The following SIPA1L3 variants were observed in gnomAD, a reference collection of about 807,000 sequenced individuals.
SIPA1L3 encodes signal induced proliferation associated 1 like 3, also known as signal-induced proliferation-associated 1-like protein 3.
SIPA1L3 carries 59 observed loss-of-function variants against 150.1 expected under a neutral mutation model. The observed-to-expected ratio is 0.39, with a 90% CI of 0.32 to 0.49. SIPA1L3 has a LOEUF of 0.49. Ranked by LOEUF, SIPA1L3 falls within the 20% of genes least tolerant of loss-of-function variation. The pLI is 0.86. For missense variants in SIPA1L3, 2,211 were observed against 2,489.5 expected, an observed-to-expected ratio of 0.89 and a Z score of 2.38; for synonymous variants, 1,070 against 1,077.6, an observed-to-expected ratio of 0.99 and a Z score of 0.14.
chr19:38,010,938 A>T (rs1032237193), intron 1 of SIPA1L3, among the ~76,000 whole-genome samples: 1 of 152,208 alleles, frequency 6.6e-6, no homozygotes. Flanking sequence ...GCAATGACCA[A>T]CAAACAGGGT....
chr19:38,145,429 A>G (rs1450596253), intron 12 of SIPA1L3, among the ~76,000 whole-genome samples: 2 of 150,958 alleles, frequency 1.3e-5, no homozygotes, highest in African/African-American at 4.9e-5. Context: ...GCTACTCAGG[A>G]GGCTGAAGCG....
At chr19:37,920,187 T>A (rs1316796759) in intron 1 of SIPA1L3, among the ~76,000 whole-genome samples, 1 of 151,982 alleles carries the variant, frequency 6.6e-6, no homozygotes, top group Non-Finnish European at 1.5e-5. Context: ...GCCTTCTGAA[T>A]AGTTGGGACT....
intron 2 of SIPA1L3, among the ~76,000 whole-genome samples, chr19:38,029,568 T>C (rs919312924): frequency 6.6e-6 from 1 of 152,226 alleles, no homozygotes; most frequent in Non-Finnish European, 1.5e-5. Flanking sequence ...TTTTAAACTT[T>C]ACATAGAGTA....
At chr19:38,069,774 C>T (rs1196505755) in intron 2 of SIPA1L3, among the ~76,000 whole-genome samples, 7 of 151,920 alleles carry the variant, frequency 4.6e-5, no homozygotes, top group African/African-American at 1.7e-4. Flanking sequence ...AAGCGATTCT[C>T]CTGCCTCAGC....
chr19:37,976,514 G>C (rs1967081068), intron 1 of SIPA1L3, among the ~76,000 whole-genome samples: 2 of 152,138 alleles, frequency 1.3e-5, no homozygotes, highest in Admixed American at 6.6e-5. Flanking sequence ...CAGGCACCCT[G>C]AGGCCCTAAA....
intron 1 of SIPA1L3, among the ~76,000 whole-genome samples, chr19:37,982,890 C>G (rs1967237311): frequency 6.6e-6 from 1 of 152,228 alleles, no homozygotes; most frequent in South Asian, 2.1e-4. Context: ...TTAGCTCCTC[C>G]TGGCTATTCA....
At chr19:37,968,262 G>A (rs776169276) in intron 1 of SIPA1L3, among the ~76,000 whole-genome samples, 8 of 152,126 alleles carry the variant, frequency 5.3e-5, no homozygotes, top group South Asian at 2.1e-4. Flanking sequence ...TGTTAGAGAC[G>A]GGGTTTCACC....
At chr19:38,033,788 TG>T (rs1207883761) in intron 2 of SIPA1L3, among the ~76,000 whole-genome samples, 1 of 152,168 alleles carries the variant, frequency 6.6e-6, no homozygotes. Flanking sequence ...AAGCACTGTA[TG>T]GCTCAGCCAC....
chr19:37,935,676 G>C (rs2046594328), intron 1 of SIPA1L3, among the ~76,000 whole-genome samples: 4 of 152,196 alleles, frequency 2.6e-5, no homozygotes. Flanking sequence ...CTGGGTCCAT[G>C]TCTGTCCATA....
intron 1 of SIPA1L3, among the ~76,000 whole-genome samples, chr19:37,971,429 C>A (rs1275221844): frequency 6.6e-6 from 1 of 152,156 alleles, no homozygotes; most frequent in African/African-American, 2.4e-5. Context: ...TGTGATTTTC[C>A]CATCCCTTCA....
chr19:37,947,540 C>G (rs1201819565), intron 1 of SIPA1L3, among the ~76,000 whole-genome samples: 1 of 151,950 alleles, frequency 6.6e-6, no homozygotes, highest in Non-Finnish European at 1.5e-5. Flanking sequence ...ATGAGTTGTC[C>G]CTATCCTACT....
chr19:37,919,706 T>C (rs1413286641), intron 1 of SIPA1L3, among the ~76,000 whole-genome samples: 1 of 18,448 alleles, frequency 5.4e-5, no homozygotes, highest in East Asian at 1.8e-3. Context: ...GCCCTGAGGC[T>C]TTTTTTTTTT....
chr19:38,150,346 T>TTTA (rs1228914263), intron 12 of SIPA1L3, among the ~76,000 whole-genome samples: 1 of 151,962 alleles, frequency 6.6e-6, no homozygotes, highest in East Asian at 1.9e-4. Context: ...GCCAGGGGAT[T>TTTA]AGGGCAGGGT....
intron 15 of SIPA1L3, among the ~76,000 whole-genome samples, chr19:38,179,871 C>A (rs1321623733): frequency 1.3e-5 from 2 of 151,594 alleles, no homozygotes; most frequent in South Asian, 2.1e-4. Context: ...TAGATGGAGT[C>A]TCACTCTGTC....
At chr19:37,965,154 G>A (rs1363937395) in intron 1 of SIPA1L3, among the ~76,000 whole-genome samples, 3 of 152,032 alleles carry the variant, frequency 2.0e-5, no homozygotes, top group African/African-American at 7.3e-5. Flanking sequence ...CTGTTTTCTG[G>A]CAAGGGGTTC....
intron 1 of SIPA1L3, among the ~76,000 whole-genome samples, chr19:37,973,616 G>A (rs1007307041): frequency 3.4e-5 from 5 of 148,822 alleles, no homozygotes; most frequent in East Asian, 2.1e-4. Flanking sequence ...AGTGCTGCTC[G>A]CATGACGAAG....
intron 10 of SIPA1L3, among the ~76,000 whole-genome samples, chr19:38,136,216 G>A (rs1318343642): frequency 3.7e-5 from 5 of 135,678 alleles, no homozygotes; most frequent in Non-Finnish European, 6.3e-5. Context: ...AGAAGAATGC[G>A]TAAGAAAGTG....
chr19:37,991,857 A>T (rs542729557), intron 1 of SIPA1L3, among the ~76,000 whole-genome samples: 70 of 152,188 alleles, frequency 4.6e-4, no homozygotes, highest in Non-Finnish European at 9.3e-4. Flanking sequence ...CTTGCAGCTG[A>T]TGGCTTGGAG....
chr19:38,106,452 TA>T, intron 6 of SIPA1L3, 84 bp from the exon 7 acceptor site: 1 of 890,084 alleles, frequency 1.1e-6, no homozygotes, highest in Non-Finnish European at 1.9e-6. Context: ...AGCACCAAGT[TA>T]AAAACCAGCA....
Sources: gnomAD v4.1 joint callset for allele counts (sites outside exome capture counted in the v4.1 genomes callset) on GRCh38, gnomAD v4.1.1 for gene constraint, MANE v1.5 for transcripts, NCBI Gene and HGNC (gene_info 2026-07-23, HGNC 2026-07-21) for gene names.